TMEM114: variants seen among roughly 807,000 people sequenced by gnomAD.
TMEM114 encodes the protein claudin-26.
In TMEM114, 6 loss-of-function variants were observed where a neutral mutation model predicts 6.2. That is an observed-to-expected ratio of 0.97 (90% CI 0.53 to 1.91). TMEM114 has a LOEUF of 1.91. Among genes scored for constraint, TMEM114 ranks in the 40% most tolerant of loss-of-function variants. The probability of loss-of-function intolerance (pLI) is 0.01; values close to 1 mark genes in which losing one functional copy is unlikely to be tolerated. For synonymous variants in TMEM114, 104 were observed against 73.0 expected (o/e 1.42, Z -2.16); for missense variants, 218 against 158.3 (o/e 1.38, Z -2.02).
At chr16:8,587,635 C>A (rs1387933154) in intron 2 of TMEM114, among the ~76,000 whole-genome samples, 1 of 152,234 alleles carries the variant, frequency 6.6e-6, no homozygotes, top group Non-Finnish European at 1.5e-5. Flanking sequence ...AGGGACCCTA[C>A]CAAGCCTTGT....
chr16:8,551,780 C>G (rs1596471796), intron 2 of TMEM114, among the ~76,000 whole-genome samples: 1 of 152,200 alleles, frequency 6.6e-6, no homozygotes, highest in African/African-American at 2.4e-5. Flanking sequence ...CTTCTCCATT[C>G]AAGCTCATGT....
At chr16:8,543,060 C>A (rs1299558618) in intron 2 of TMEM114, among the ~76,000 whole-genome samples, 5 of 152,098 alleles carry the variant, frequency 3.3e-5, no homozygotes, top group African/African-American at 1.2e-4. Flanking sequence ...CAGAACACAG[C>A]CCTTCGAAAA....
intron 3 of TMEM114, among the ~76,000 whole-genome samples, chr16:8,570,789 G>C (rs1019651056): frequency 1.6e-4 from 24 of 152,062 alleles, no homozygotes; most frequent in African/African-American, 5.6e-4. Context: ...CAGTACGATA[G>C]CCACTGACCA....
chr16:8,543,251 C>G (rs1044725115), intron 2 of TMEM114, among the ~76,000 whole-genome samples: 1 of 152,160 alleles, frequency 6.6e-6, no homozygotes, highest in Non-Finnish European at 1.5e-5. Context: ...CATTTTTAAA[C>G]ACATAATTTA....
At chr16:8,563,596 T>TAA (rs1901374081) in intron 2 of TMEM114, among the ~76,000 whole-genome samples, 2 of 97,516 alleles carry the variant, frequency 2.1e-5, no homozygotes, top group Non-Finnish European at 4.3e-5. Context: ...TGAATGAGTG[T>TAA]GTGAATGAGT....
At chr16:8,558,055 A>G (rs568559894) in intron 2 of TMEM114, among the ~76,000 whole-genome samples, 1 of 152,234 alleles carries the variant, frequency 6.6e-6, no homozygotes, top group Admixed American at 6.5e-5. Flanking sequence ...GGAGCTCGAC[A>G]CCAGCTTGAC....
intron 2 of TMEM114, among the ~76,000 whole-genome samples, chr16:8,548,951 G>A (rs1030300950): frequency 3.3e-5 from 5 of 152,052 alleles, no homozygotes; most frequent in Non-Finnish European, 5.9e-5. Context: ...GGGAGGCCAA[G>A]GCAGGTGGAT....
At chr16:8,571,243 C>T (rs1272469176) in intron 3 of TMEM114, among the ~76,000 whole-genome samples, 1 of 152,102 alleles carries the variant, frequency 6.6e-6, no homozygotes, top group Non-Finnish European at 1.5e-5. Flanking sequence ...GTGGTGTTAA[C>T]CTAGCCATTG....
chr16:8,547,284 G>T (rs1003804833), intron 2 of TMEM114, among the ~76,000 whole-genome samples: 1 of 152,144 alleles, frequency 6.6e-6, no homozygotes, highest in Non-Finnish European at 1.5e-5. Context: ...CTCCAAAGGG[G>T]TTAAGCAAGA....
At chr16:8,556,715 C>G (rs1049984889) in intron 2 of TMEM114, among the ~76,000 whole-genome samples, 5 of 152,172 alleles carry the variant, frequency 3.3e-5, no homozygotes, top group Non-Finnish European at 7.3e-5. Context: ...GTTGGCCAGG[C>G]TGGTCTCGAA....
rs368287924 is a variant in TMEM114 at position 8,538,652 on chromosome 16, C to T, written n.213-826G>A. Among the ~76,000 whole-genome samples, 4 of 152,156 alleles carry T rather than the reference C, an allele frequency of 2.6e-5. No individual in the cohort carries two copies. The East Asian group carries it at 5.8e-4, about 22-fold the overall frequency. On this transcript the variant is annotated intron_variant and non_coding_transcript_variant, in intron 2 of 2. Transcript: ENST00000623677. Reference sequence around the variant, plus strand: ...CCTCCCCAGCAGCTGCGACTACAGGCGCCCGCCACCACGCCCAGCTAATTT... The same window carrying T: ...CCTCCCCAGCAGCTGCGACTACAGGTGCCCGCCACCACGCCCAGCTAATTT...
chr16:8,530,001 G>A, the TMEM114 span, among the ~76,000 whole-genome samples: 1 of 152,200 alleles, frequency 6.6e-6, no homozygotes, highest in East Asian at 1.9e-4. Flanking sequence ...TTCTAATTGT[G>A]AAACCTAATT....
At chr16:8,562,762 G>A (rs1393709716) in intron 2 of TMEM114, among the ~76,000 whole-genome samples, 6 of 151,748 alleles carry the variant, frequency 4.0e-5, no homozygotes, top group Admixed American at 2.6e-4. Flanking sequence ...GTGAGTGAAG[G>A]AGGGAGGGAA....
chr16:8,563,743 GAGTC>G (rs1418897992), intron 2 of TMEM114, among the ~76,000 whole-genome samples: 3 of 139,818 alleles, frequency 2.1e-5, no homozygotes, highest in Admixed American at 1.4e-4. Flanking sequence ...GTGAATGAAT[GAGTC>G]AGTGAATAAG....
chr16:8,550,883 C>T (rs1355903395), intron 2 of TMEM114, among the ~76,000 whole-genome samples: 1 of 152,156 alleles, frequency 6.6e-6, no homozygotes, highest in African/African-American at 2.4e-5. Context: ...ATCCACTGCT[C>T]TCCTCCTGAG....
intron 2 of TMEM114, among the ~76,000 whole-genome samples, chr16:8,587,563 A>G (rs1442406714): frequency 1.3e-5 from 2 of 152,384 alleles, no homozygotes; most frequent in East Asian, 3.9e-4. Flanking sequence ...AGCATGTTCC[A>G]AGAACTGGCC....
At chr16:8,566,271 G>A (rs1429418858), downstream of TMEM114, among the ~76,000 whole-genome samples, 1 of 152,134 alleles carries the variant, frequency 6.6e-6, no homozygotes, top group Non-Finnish European at 1.5e-5. Flanking sequence ...CAGCTACTGG[G>A]GAGGCTGAGG....
chr16:8,534,378 C>G (rs1270730862), downstream of TMEM114, among the ~76,000 whole-genome samples: 1 of 150,774 alleles, frequency 6.6e-6, no homozygotes, highest in Non-Finnish European at 1.5e-5. Context: ...TTCTTCATGT[C>G]CTTTATAGCT....
At position 8,582,699 on chromosome 16, in the gene TMEM114, G is replaced by A. The variant is rs530533703; in HGVS notation, c.301+6514C>T. Among the ~76,000 whole-genome samples, 73 of 152,294 alleles carry A rather than the reference G, an allele frequency of 4.8e-4. 1 individual carries two copies. Among genetic ancestry groups the A allele is most frequent in the African/African-American group, 1.7e-3 (70 of 41,560 alleles). ...GAGGTCAAGAGTTCGAGACCAGCCT[G>A]GCCAACATGGTGAATCCCCATCTCT... On this transcript the variant is annotated intron_variant, in intron 2 of 3. Coordinates refer to ENST00000620492, the MANE Select transcript of TMEM114 (RefSeq NM_001146336.2).
Sources: gnomAD v4.1 joint callset for allele counts (sites outside exome capture counted in the v4.1 genomes callset) on GRCh38, gnomAD v4.1.1 for gene constraint, MANE v1.5 for transcripts, NCBI Gene and HGNC (gene_info 2026-07-23, HGNC 2026-07-21) for gene names.